The following CDH13 variants were observed in gnomAD, a reference collection of about 807,000 sequenced individuals.
The protein encoded by CDH13 is cadherin-13.
CDH13 carries 24 observed loss-of-function variants against 63.8 expected under a neutral mutation model. That is an observed-to-expected ratio of 0.38 (90% CI 0.27 to 0.53). The LOEUF is 0.53. Among genes scored for constraint, CDH13 ranks in the 20% least tolerant of loss-of-function variants. The pLI, the probability that CDH13 is intolerant of heterozygous loss-of-function variation, is 0.85. For synonymous variants in CDH13, 503 were observed against 355.3 expected (o/e 1.42, Z -4.67); for missense variants, 1,049 against 903.1 (o/e 1.16, Z -2.07).
chr16:82,781,876 C>G (rs2035770949), intron 1 of CDH13, among the ~76,000 whole-genome samples: 1 of 152,156 alleles, frequency 6.6e-6, no homozygotes, highest in Non-Finnish European at 1.5e-5. Context: ...CAACAGTGTG[C>G]TCAGTGCACC....
At chr16:83,172,163 A>G (rs879643726) in intron 4 of CDH13, among the ~76,000 whole-genome samples, 2 of 152,198 alleles carry the variant, frequency 1.3e-5, no homozygotes, top group Admixed American at 6.5e-5. Flanking sequence ...AAATTTGGAG[A>G]TAGACTCACA....
chr16:83,651,527 A>C (rs914939976), intron 8 of CDH13, among the ~76,000 whole-genome samples: 1 of 151,826 alleles, frequency 6.6e-6, no homozygotes, highest in Non-Finnish European at 1.5e-5. Context: ...AAAGATAACA[A>C]GATGCAGCTT....
chr16:83,243,916 A>G (rs1904725857), intron 5 of CDH13, among the ~76,000 whole-genome samples: 1 of 152,110 alleles, frequency 6.6e-6, no homozygotes, highest in African/African-American at 2.4e-5. Context: ...TCACCATTTG[A>G]AGTGTTTTCT....
At chr16:83,369,419 GTGTTT>G (rs2091321836) in intron 6 of CDH13, among the ~76,000 whole-genome samples, 3 of 151,792 alleles carry the variant, frequency 2.0e-5, no homozygotes. Flanking sequence ...GACCCTTCTA[GTGTTT>G]TGTTTTGTTT....
intron 3 of CDH13, among the ~76,000 whole-genome samples, chr16:83,046,797 G>A (rs1285221776): frequency 6.6e-6 from 1 of 152,076 alleles, no homozygotes; most frequent in East Asian, 1.9e-4. Context: ...CTCTGACCCT[G>A]GTGCCACCCT....
chr16:83,067,737 T>C (rs762165553), intron 3 of CDH13, among the ~76,000 whole-genome samples: 1 of 152,180 alleles, frequency 6.6e-6, no homozygotes, highest in Non-Finnish European at 1.5e-5. Context: ...AAGAAAAGCA[T>C]TTTAATGAAA....
intron 4 of CDH13, among the ~76,000 whole-genome samples, chr16:83,126,478 T>C (rs73602302): frequency 0.03 from 4,504 of 152,202 alleles, 177 homozygotes; most frequent in African/African-American, 0.087. Flanking sequence ...GGTAGTTTCA[T>C]TGGGAAGAGC....
At chr16:83,305,059 C>G (rs1172122820) in intron 5 of CDH13, among the ~76,000 whole-genome samples, 2 of 152,186 alleles carry the variant, frequency 1.3e-5, no homozygotes, top group African/African-American at 2.4e-5. Context: ...ACAGAATGCT[C>G]TCAATGTAAG....
At chr16:82,854,116 A>G (rs1467695423) in intron 1 of CDH13, among the ~76,000 whole-genome samples, 1 of 152,130 alleles carries the variant, frequency 6.6e-6, no homozygotes, top group Non-Finnish European at 1.5e-5. Flanking sequence ...ATTAAAGGGC[A>G]AGGCTGGGCT....
At chr16:82,628,451 G>A (rs911705442) in intron 1 of CDH13, among the ~76,000 whole-genome samples, 1 of 152,136 alleles carries the variant, frequency 6.6e-6, no homozygotes, top group African/African-American at 2.4e-5. Context: ...TTCTAAGGGA[G>A]ACCACTGTTA....
chr16:83,130,616 C>G (rs544682050), intron 4 of CDH13, among the ~76,000 whole-genome samples: 2 of 152,268 alleles, frequency 1.3e-5, no homozygotes, highest in East Asian at 3.9e-4. Context: ...ACTTGCTGTA[C>G]AATTCTTTCG....
intron 3 of CDH13, among the ~76,000 whole-genome samples, chr16:83,040,627 C>G (rs1917249169): frequency 6.6e-6 from 1 of 152,174 alleles, no homozygotes; most frequent in Non-Finnish European, 1.5e-5. Context: ...AGTTGATGCC[C>G]ACCCAGACTG....
chr16:83,072,313 G>A (rs1331522427), intron 3 of CDH13, among the ~76,000 whole-genome samples: 3 of 152,180 alleles, frequency 2.0e-5, no homozygotes, highest in African/African-American at 7.2e-5. Flanking sequence ...TAGTTAATCT[G>A]TTGACAATGG....
intron 2 of CDH13, among the ~76,000 whole-genome samples, chr16:83,006,532 G>C (rs1913515718): frequency 6.6e-6 from 1 of 152,108 alleles, no homozygotes; most frequent in African/African-American, 2.4e-5. Context: ...GCTCAGTGCA[G>C]CCTCGATAAC....
intron 2 of CDH13, chr16:82,859,407 A>C (rs533683080): frequency 6.6e-6 from 1 of 152,244 alleles, no homozygotes; most frequent in African/African-American, 2.4e-5. Flanking sequence ...AAGTTACAAA[A>C]CTTAGCTGGG....
intron 2 of CDH13, among the ~76,000 whole-genome samples, chr16:82,875,275 G>A (rs984443201): frequency 6.6e-6 from 1 of 152,220 alleles, no homozygotes; most frequent in Non-Finnish European, 1.5e-5. Context: ...GCCTACTTCT[G>A]TACCAAAGGA....
chr16:82,949,854 A>T (rs919289929), intron 2 of CDH13, among the ~76,000 whole-genome samples: 8 of 152,128 alleles, frequency 5.3e-5, no homozygotes, highest in East Asian at 1.9e-4. Flanking sequence ...AGTGACTGAT[A>T]AAAGCCAGGA....
In CDH13 at chr16:83,796,914, C is replaced by T. The variant is rs1394011975; in HGVS notation, c.*1884C>T. The T allele has an allele frequency of 6.6e-6, 1 of 152,198 alleles. No homozygotes were observed. Among genetic ancestry groups the T allele is most frequent in the Non-Finnish European group, 1.5e-5 (1 of 68,044 alleles). 9.4% of individuals were successfully genotyped at this position (152,198 alleles called of 1,614,324 possible). ...TGGCCATCTGTCAACAGTCCCAAGA[C>T]CTGGGGATTTTTCTCTGGAACAAAT... On this transcript the variant is annotated 3_prime_UTR_variant, in exon 14 of 14. Coordinates refer to ENST00000567109, the MANE Select transcript of CDH13 (RefSeq NM_001257.5).
intron 1 of CDH13, among the ~76,000 whole-genome samples, chr16:82,729,688 C>A (rs893625313): frequency 2.6e-5 from 4 of 152,274 alleles, no homozygotes; most frequent in African/African-American, 9.6e-5. Context: ...GGCTGTTTAG[C>A]CCCTAACAAG....
Sources: gnomAD v4.1 joint callset for allele counts (sites outside exome capture counted in the v4.1 genomes callset) on GRCh38, gnomAD v4.1.1 for gene constraint, MANE v1.5 for transcripts, NCBI Gene and HGNC (gene_info 2026-07-23, HGNC 2026-07-21) for gene names.